Variants in MAPK8 observed in about 807,000 individuals in gnomAD.
MAPK8 encodes the protein mitogen-activated protein kinase 8, also known as JUN N-terminal kinase.
Under a neutral mutation model 52.9 loss-of-function variants are expected in MAPK8, and 13 were observed. The ratio of observed to expected loss-of-function variants is 0.25; its 90% CI spans 0.16 to 0.39. The LOEUF (loss-of-function observed/expected upper bound fraction) is 0.39, where lower values mean the gene tolerates loss of function less well. Ranked by LOEUF, MAPK8 falls within the 10% of genes least tolerant of loss-of-function variation. MAPK8 has a pLI of 1.00. For synonymous variants in MAPK8, 191 were observed against 169.8 expected, an observed-to-expected ratio of 1.12 and a Z score of -0.97; for missense variants, 300 against 519.2, an observed-to-expected ratio of 0.58 and a Z score of 4.10.
At chr10:48,393,118 A>C (rs1377306149) in intron 1 of MAPK8, among the ~76,000 whole-genome samples, 2 of 152,024 alleles carry the variant, frequency 1.3e-5, no homozygotes, top group African/African-American at 4.8e-5. Context: ...ATAAAGCTGA[A>C]TCTTAGGTAT....
At chr10:48,400,038 C>A (rs571112180) in intron 1 of MAPK8, among the ~76,000 whole-genome samples, 84 of 152,348 alleles carry the variant, frequency 5.5e-4, no homozygotes, top group African/African-American at 2.0e-3. Flanking sequence ...CACTTCTCTT[C>A]TTCCTTATTT....
Position 48,401,612 on chromosome 10 carries a change from C to A in MAPK8, c.-49C>A, listed in dbSNP as rs764704019. ...CATCATGTTTTGTTGCATCTTGCAG[C>A]TTCTTGGTGAATTTTTGGATGAAGC... On this transcript the variant is annotated splice_region_variant and 5_prime_UTR_variant, in exon 2 of 12. Transcript: ENST00000374189. The A allele has an allele frequency of 1.3e-6, 2 of 1,596,914 alleles. No homozygotes were observed. Among genetic ancestry groups the A allele is most frequent in the East Asian group, 2.3e-5 (1 of 44,058 alleles).
chr10:48,421,328 A>T (rs1425884950), intron 6 of MAPK8, among the ~76,000 whole-genome samples: 3 of 152,112 alleles, frequency 2.0e-5, no homozygotes, highest in Non-Finnish European at 1.5e-5. Flanking sequence ...CTTACACTCT[A>T]CCTGAAATTT....
At chr10:48,427,360 C>T in intron 10 of MAPK8, 2 of 438,636 alleles carry the variant, frequency 4.6e-6, no homozygotes, top group East Asian at 8.8e-5. Context: ...CACATTAGTG[C>T]TCTGTCTCAT....
At chr10:48,406,183 G>A (rs1216932087) in intron 3 of MAPK8, among the ~76,000 whole-genome samples, 2 of 152,164 alleles carry the variant, frequency 1.3e-5, no homozygotes, top group Non-Finnish European at 2.9e-5. Flanking sequence ...GAAGAATGAC[G>A]TAAAAAAGGT....
chr10:48,408,138 T>A (rs1400077559), intron 3 of MAPK8, among the ~76,000 whole-genome samples: 2 of 152,302 alleles, frequency 1.3e-5, no homozygotes, highest in African/African-American at 4.8e-5. Context: ...AAAAACAAAT[T>A]CCCATCCCCA....
chr10:48,341,237 G>T (rs1222995050), intron 1 of MAPK8, among the ~76,000 whole-genome samples: 1 of 152,180 alleles, frequency 6.6e-6, no homozygotes, highest in Non-Finnish European at 1.5e-5. Flanking sequence ...AATCTAAACA[G>T]CTGTGGGTCT....
At chr10:48,349,711 C>T (rs1347991383) in intron 1 of MAPK8, among the ~76,000 whole-genome samples, 1 of 152,024 alleles carries the variant, frequency 6.6e-6, no homozygotes, top group Admixed American at 6.6e-5. Context: ...ATTAAAAGAA[C>T]TAGAGAAGCA....
At chr10:48,373,571 C>CAA (rs539162576) in intron 1 of MAPK8, among the ~76,000 whole-genome samples, 860 of 16,850 alleles carry the variant, frequency 0.051, 315 homozygotes, top group Non-Finnish European at 0.076. Context: ...AAATTGAAAG[C>CAA]AAAAAAAAAA....
chr10:48,373,571 CAAAAA>C (rs539162576), intron 1 of MAPK8, among the ~76,000 whole-genome samples: 11 of 16,840 alleles, frequency 6.5e-4, no homozygotes, highest in Non-Finnish European at 9.8e-4. Flanking sequence ...AAATTGAAAG[CAAAAA>C]AAAAAAAAAA....
intron 5 of MAPK8, among the ~76,000 whole-genome samples, chr10:48,410,893 TTTTCATGTGC>T (rs2042711860): frequency 6.6e-6 from 1 of 152,236 alleles, no homozygotes; most frequent in Non-Finnish European, 1.5e-5. Context: ...TGTTGGGCAT[TTTTCATGTGC>T]TTGTGGCCAT....
Position 48,436,802 on chromosome 10 carries a change from G to T in MAPK8, c.*1773G>T, listed in dbSNP as rs1351500648. On this transcript the variant is annotated 3_prime_UTR_variant, in exon 12 of 12. Coordinates refer to ENST00000374189, the MANE Select transcript of MAPK8 (RefSeq NM_001323329.2). ...TTCCAGCTTCCCAGCCTTTTTATCA[G>T]TCCCTTTTCTAATACAACAAGGTGC... The T allele has an allele frequency of 2.6e-5, 4 of 152,110 alleles. No homozygotes were observed. Among genetic ancestry groups the T allele is most frequent in the African/African-American group, 9.7e-5 (4 of 41,406 alleles). 9.4% of individuals were successfully genotyped at this position (152,110 alleles called of 1,614,324 possible). A position where few individuals can be genotyped will look rare whatever the true frequency, so the allele number is the denominator to read the frequency against.
chr10:48,434,696 T>A (rs575082680), intron 11 of MAPK8, among the ~76,000 whole-genome samples, 188 bp from the exon 12 acceptor site: 1 of 152,332 alleles, frequency 6.6e-6, no homozygotes, highest in East Asian at 1.9e-4. Flanking sequence ...ATTTTCAGAA[T>A]TCTCACCTCA....
intron 1 of MAPK8, among the ~76,000 whole-genome samples, chr10:48,355,838 C>T (rs1202114058): frequency 6.6e-6 from 1 of 152,068 alleles, no homozygotes; most frequent in African/African-American, 2.4e-5. Flanking sequence ...AACAGCAGAA[C>T]ATCAAAGACA....
At chr10:48,392,410 A>G (rs1797811017) in intron 1 of MAPK8, among the ~76,000 whole-genome samples, 1 of 152,102 alleles carries the variant, frequency 6.6e-6, no homozygotes, top group Non-Finnish European at 1.5e-5. Context: ...ATGAAAACCT[A>G]TATATATGTT....
chr10:48,392,721 C>G (rs1226158509), intron 1 of MAPK8, among the ~76,000 whole-genome samples: 1 of 151,974 alleles, frequency 6.6e-6, no homozygotes, highest in African/African-American at 2.4e-5. Context: ...CAGGTTGTCT[C>G]TATGTTATAT....
At chr10:48,382,757 A>G (rs867202692) in intron 1 of MAPK8, among the ~76,000 whole-genome samples, 1 of 147,570 alleles carries the variant, frequency 6.8e-6, no homozygotes, top group Non-Finnish European at 1.5e-5. Context: ...AAAATATTTT[A>G]TATATTTTTT....
intron 1 of MAPK8, among the ~76,000 whole-genome samples, chr10:48,398,834 C>G (rs1241486076): frequency 6.6e-6 from 1 of 151,942 alleles, no homozygotes; most frequent in African/African-American, 2.4e-5. Flanking sequence ...TCAGTGGTTG[C>G]TAGGAGTTGG....
At chr10:48,425,842 A>C in intron 7 of MAPK8, 46 bp from the exon 8 acceptor site, 1 of 386,480 alleles carries the variant, frequency 2.6e-6, no homozygotes, top group Non-Finnish European at 4.2e-6. Context: ...TGACTAATGT[A>C]TTGAACATTA....
Sources: gnomAD v4.1 joint callset for allele counts (sites outside exome capture counted in the v4.1 genomes callset) on GRCh38, gnomAD v4.1.1 for gene constraint, MANE v1.5 for transcripts, NCBI Gene and HGNC (gene_info 2026-07-23, HGNC 2026-07-21) for gene names.